SLCO1B1: variants seen among roughly 807,000 people sequenced by gnomAD.
SLCO1B1 encodes the protein OATP-2.
A neutral mutation model predicts 70.1 loss-of-function variants in SLCO1B1; 81 were observed. The observed-to-expected ratio is 1.16, with a 90% CI of 0.97 to 1.39. The LOEUF (loss-of-function observed/expected upper bound fraction) is 1.39. SLCO1B1 is among the 40% of genes most tolerant of loss of function. The pLI, the probability that SLCO1B1 is intolerant of heterozygous loss-of-function variation, is 0.00. For missense variants in SLCO1B1, 895 were observed against 799.6 expected, an observed-to-expected ratio of 1.12 and a Z score of -1.44; for synonymous variants, 283 against 271.5, an observed-to-expected ratio of 1.04 and a Z score of -0.42.
chr12:21,140,378 A>G (rs113545858), intron 1 of SLCO1B1, among the ~76,000 whole-genome samples: 46 of 152,188 alleles, frequency 3.0e-4, no homozygotes, highest in African/African-American at 1.1e-3. Flanking sequence ...TCCATGAAGA[A>G]CACATTATAT....
At chr12:21,232,463 G>T (rs1471566536) in intron 14 of SLCO1B1, among the ~76,000 whole-genome samples, 1 of 152,096 alleles carries the variant, frequency 6.6e-6, no homozygotes, top group East Asian at 1.9e-4. Flanking sequence ...TCCAGTATAG[G>T]TTTCAGGAAC....
chr12:21,135,793 G>A lies in SLCO1B1; in HGVS notation c.-62+4557G>A, dbSNP rs145559326. On this transcript the variant is annotated intron_variant, in intron 1 of 14. Coordinates refer to ENST00000256958, the MANE Select transcript of SLCO1B1 (RefSeq NM_006446.5). ...TTGGTCTTGACTCTTTATCCAATTT[G>A]CCAGTCTGTGTCTTTTAATTGCAGC... 7.4e-3 allele frequency among the ~76,000 whole-genome samples: 1,127 copies of A among 152,200 alleles called. 13 individuals are homozygous for A. Among genetic ancestry groups the A allele is most frequent in the African/African-American group, 0.026 (1,065 of 41,508 alleles).
At chr12:21,180,083 A>T (rs1380108428) in intron 7 of SLCO1B1, among the ~76,000 whole-genome samples, 1 of 152,098 alleles carries the variant, frequency 6.6e-6, no homozygotes, top group Non-Finnish European at 1.5e-5. Context: ...GCGTTAATTG[A>T]TATTTCCAGT....
chr12:21,153,170 C>T (rs1940496722), intron 2 of SLCO1B1, among the ~76,000 whole-genome samples: 1 of 152,106 alleles, frequency 6.6e-6, no homozygotes, highest in Admixed American at 6.6e-5. Flanking sequence ...AGAGTTGCTG[C>T]ATTTTAAATT....
At chr12:21,174,787 C>T (rs1368348324) in intron 4 of SLCO1B1, 78 bp downstream of exon 4, 1 of 1,452,366 alleles carries the variant, frequency 6.9e-7, no homozygotes, top group Non-Finnish European at 9.5e-7. Flanking sequence ...TATTATTATC[C>T]CTTTAAATAG....
intron 10 of SLCO1B1, 40 bp downstream of exon 10, chr12:21,202,726 C>A: frequency 6.8e-7 from 1 of 1,473,448 alleles, no homozygotes; most frequent in Non-Finnish European, 9.5e-7. Context: ...AATATGTTAA[C>A]CATCAAATTA....
chr12:21,212,839 G>T (rs911033475), intron 11 of SLCO1B1, among the ~76,000 whole-genome samples: 1 of 151,332 alleles, frequency 6.6e-6, no homozygotes, highest in African/African-American at 2.4e-5. Flanking sequence ...TGTCTCTTTT[G>T]ATCTTTGTTG....
chr12:21,158,156 T>C (rs1181556655), intron 2 of SLCO1B1, among the ~76,000 whole-genome samples: 1 of 152,194 alleles, frequency 6.6e-6, no homozygotes, highest in Non-Finnish European at 1.5e-5. Flanking sequence ...TTAACAAGTG[T>C]ATACCCATCC....
At position 21,141,574 on chromosome 12, in the gene SLCO1B1, C is replaced by T. The variant is rs1160067856; in HGVS notation, c.-1C>T. On this transcript the variant is annotated 5_prime_UTR_variant, in exon 2 of 15. Coordinates refer to ENST00000256958, the MANE Select transcript of SLCO1B1 (RefSeq NM_006446.5). ...ATTTGTATGATATCTATATTTCAAT[C>T]ATGGACCAAAATCAACATTTGAATA... 2.5e-6 allele frequency: 4 copies of T among 1,600,958 alleles called. No homozygotes were observed. The highest frequency in any genetic ancestry group is 3.4e-6 in the Non-Finnish European group (4 of 1,169,540).
At chr12:21,165,597 G>T (rs1940674451) in intron 2 of SLCO1B1, among the ~76,000 whole-genome samples, 1 of 152,120 alleles carries the variant, frequency 6.6e-6, no homozygotes, top group Admixed American at 6.6e-5. Context: ...CCCCAAAATT[G>T]TGTATTGAAT....
chr12:21,143,824 ATTATC>A (rs1335599339), intron 2 of SLCO1B1, among the ~76,000 whole-genome samples: 1 of 152,068 alleles, frequency 6.6e-6, no homozygotes, highest in Non-Finnish European at 1.5e-5. Flanking sequence ...CTTCTAAAAA[ATTATC>A]TTAAGGTTAA....
At chr12:21,200,040 A>T (rs1319104228) in intron 8 of SLCO1B1, among the ~76,000 whole-genome samples, 2 of 152,078 alleles carry the variant, frequency 1.3e-5, no homozygotes, top group African/African-American at 4.8e-5. Flanking sequence ...ACCCCAGGTG[A>T]TCCATCTGCC....
intron 7 of SLCO1B1, among the ~76,000 whole-genome samples, chr12:21,195,046 A>T (rs1941075161): frequency 6.6e-6 from 1 of 152,080 alleles, no homozygotes; most frequent in African/African-American, 2.4e-5. Context: ...AACCCCCATG[A>T]CCCAAACACC....
intron 14 of SLCO1B1, among the ~76,000 whole-genome samples, chr12:21,237,907 G>T (rs1941611037): frequency 6.6e-6 from 1 of 152,012 alleles, no homozygotes; most frequent in South Asian, 2.1e-4. Context: ...TATAGACGGG[G>T]TTTCACCATG....
chr12:21,205,385 T>C (rs1238179473), intron 10 of SLCO1B1, among the ~76,000 whole-genome samples: 1 of 151,914 alleles, frequency 6.6e-6, no homozygotes, highest in East Asian at 1.9e-4. Context: ...TTTAAGCATG[T>C]CTGTTTTTTT....
chr12:21,145,108 C>G (rs1209829203), intron 2 of SLCO1B1, among the ~76,000 whole-genome samples: 1 of 152,132 alleles, frequency 6.6e-6, no homozygotes, highest in Non-Finnish European at 1.5e-5. Flanking sequence ...ACTTAAAAGG[C>G]ATAGAATAGC....
Position 21,238,884 on chromosome 12 carries a change from T to C in SLCO1B1, c.1866-95T>C, listed in dbSNP as rs12815795. 101,786 of 674,716 alleles carry C rather than the reference T, an allele frequency of 0.15. 8,996 individuals carry two copies. The highest frequency in any genetic ancestry group is 0.19 in the Non-Finnish European group (73,290 of 392,414). The allele number at this position is 674,716 out of a possible 1,614,324, so 41.8% of individuals were successfully genotyped here. On this transcript the variant is annotated intron_variant, in intron 14 of 14. Transcript: ENST00000256958. ...ATTGTCTTAATATTTTATTTATAATTTTTTTTCTTTAGGATCTGGATACTG... is the reference window on the plus strand; with the variant it reads ...ATTGTCTTAATATTTTATTTATAATCTTTTTTCTTTAGGATCTGGATACTG...
At chr12:21,154,045 T>C (rs1029240226) in intron 2 of SLCO1B1, among the ~76,000 whole-genome samples, 5 of 151,674 alleles carry the variant, frequency 3.3e-5, no homozygotes, top group African/African-American at 1.2e-4. Flanking sequence ...TCTATTGATA[T>C]AGTTAGACTT....
intron 2 of SLCO1B1, among the ~76,000 whole-genome samples, chr12:21,164,612 G>A (rs1021518534): frequency 1.3e-5 from 2 of 152,102 alleles, no homozygotes; most frequent in African/African-American, 4.8e-5. Flanking sequence ...ACTCCTCAAT[G>A]TTGAACATAT....
Sources: gnomAD v4.1 joint callset for allele counts (sites outside exome capture counted in the v4.1 genomes callset) on GRCh38, gnomAD v4.1.1 for gene constraint, MANE v1.5 for transcripts, NCBI Gene and HGNC (gene_info 2026-07-23, HGNC 2026-07-21) for gene names.